DGKG: variants seen among roughly 807,000 people sequenced by gnomAD.
DGKG encodes DAG kinase gamma.
DGKG carries 78 observed loss-of-function variants against 105.3 expected under a neutral mutation model. That is an observed-to-expected ratio of 0.74 (90% CI 0.62 to 0.89). The LOEUF is 0.89. Among genes scored for constraint, DGKG ranks in the 40% least tolerant of loss-of-function variants. DGKG has a pLI of 0.00. For missense variants in DGKG, 958 were observed against 1,020.1 expected, an observed-to-expected ratio of 0.94 and a Z score of 0.83; for synonymous variants, 346 against 367.1, an observed-to-expected ratio of 0.94 and a Z score of 0.66.
rs61752079 is a variant in DGKG at position 186,279,932 on chromosome 3, G to T, written c.711C>A (p.Asp237Glu). The change falls in exon 9 of 25, where the codon GAC becomes GAA. Residue 237 changes from aspartate to glutamate, a missense_variant. Physicochemically the swap from Asp to Glu is conservative, Grantham distance 45. This residue lies in a region of DGKG where 643 missense variants were observed against 619.5 expected (regional missense o/e 1.04). Coordinates refer to ENST00000265022, the MANE Select transcript of DGKG (RefSeq NM_001346.3). ...EMLQGMDYDRDGFVSLQEWVH... is the reference protein window; with the variant it reads ...EMLQGMDYDREGFVSLQEWVH... Reference sequence around the variant, plus strand: ...CCCATTCCTGTAGAGACACAAAGCCGTCCCGGTCGTAGTCCATCCCTTGCA... The same window carrying T: ...CCCATTCCTGTAGAGACACAAAGCCTTCCCGGTCGTAGTCCATCCCTTGCA... 6.2e-7 allele frequency: 1 copy of T among 1,614,064 alleles called. No homozygotes were observed. The highest frequency in any genetic ancestry group is 8.5e-7 in the Non-Finnish European group (1 of 1,179,960).
At chr3:186,295,193 A>C (rs1723489543) in intron 5 of DGKG, among the ~76,000 whole-genome samples, 1 of 152,120 alleles carries the variant, frequency 6.6e-6, no homozygotes, top group African/African-American at 2.4e-5. Context: ...CCTCTAATCT[A>C]TCTTGTTTTA....
chr3:186,329,466 C>T (rs1314734669), intron 1 of DGKG, among the ~76,000 whole-genome samples: 1 of 152,056 alleles, frequency 6.6e-6, no homozygotes, highest in Admixed American at 6.6e-5. Context: ...TCAGCCATAC[C>T]CAATTATCCA....
Position 186,242,503 on chromosome 3 carries a change from C to A in DGKG, c.1826+1G>T. On this transcript the variant is annotated splice_donor_variant, in intron 20 of 24. Coordinates refer to ENST00000265022, the MANE Select transcript of DGKG (RefSeq NM_001346.3). LOFTEE classifies it high-confidence loss of function. ...GCAGCGCAGCCGGGCCTGCAGCTTA[C>A]CTGCTGTTGAATTTTTCAGGATGTT... 6.2e-7 allele frequency: 1 copy of A among 1,612,662 alleles called. No individual in the cohort carries two copies. Among genetic ancestry groups the A allele is most frequent in the Non-Finnish European group, 8.5e-7 (1 of 1,179,084 alleles).
chr3:186,179,549 T>C (rs1367509693), intron 22 of DGKG, among the ~76,000 whole-genome samples: 1 of 152,204 alleles, frequency 6.6e-6, no homozygotes, highest in Non-Finnish European at 1.5e-5. Flanking sequence ...AAATCATATC[T>C]ACATTCCTAG....
At chr3:186,315,596 G>A (rs1724780602) in intron 2 of DGKG, among the ~76,000 whole-genome samples, 1 of 151,844 alleles carries the variant, frequency 6.6e-6, no homozygotes, top group Admixed American at 6.6e-5. Context: ...TAGGCACTGT[G>A]AGTCTATGAA....
intron 1 of DGKG, among the ~76,000 whole-genome samples, chr3:186,355,861 G>GTTA (rs1361191736): frequency 3.9e-5 from 6 of 152,208 alleles, no homozygotes; most frequent in African/African-American, 1.2e-4. Flanking sequence ...AGGGACTGAT[G>GTTA]TTAATTCCAG....
chr3:186,160,494 T>C, intron 24 of DGKG: 3 of 985,398 alleles, frequency 3.0e-6, no homozygotes, highest in Non-Finnish European at 3.6e-6. Flanking sequence ...TTTTTCTTGG[T>C]CTTCATAAGA....
In DGKG at chr3:186,320,486, G is replaced by A. The variant is rs761047719; in HGVS notation, c.-27C>T. On this transcript the variant is annotated 5_prime_UTR_variant, in exon 2 of 25. Transcript: ENST00000265022. The stretch of plus-strand genomic sequence containing the variant: ...TTTAAACTTTATGTGAGTGGCTAAA[G>A]GGCAGTGATGGAGTTTTGTTCACTA... 1 of 1,614,160 alleles carries A rather than the reference G, an allele frequency of 6.2e-7. No individual in the cohort carries two copies. The highest frequency in any genetic ancestry group is 1.1e-5 in the South Asian group (1 of 91,074).
chr3:186,304,712 C>G (rs1289936415), intron 3 of DGKG, among the ~76,000 whole-genome samples: 2 of 152,218 alleles, frequency 1.3e-5, no homozygotes, highest in Non-Finnish European at 2.9e-5. Flanking sequence ...TGCAAAGATC[C>G]TCTCATTTAA....
At chr3:186,328,700 C>T (rs971542241) in intron 1 of DGKG, among the ~76,000 whole-genome samples, 4 of 151,844 alleles carry the variant, frequency 2.6e-5, no homozygotes, top group South Asian at 2.1e-4. Flanking sequence ...CTCAGCCTCC[C>T]GAGTAGCTGG....
At chr3:186,233,017 C>T (rs1443548710) in intron 20 of DGKG, among the ~76,000 whole-genome samples, 1 of 152,122 alleles carries the variant, frequency 6.6e-6, no homozygotes, top group Non-Finnish European at 1.5e-5. Flanking sequence ...TCGAAATAAG[C>T]CTATGAGGCT....
intron 10 of DGKG, 44 bp downstream of exon 10, chr3:186,275,503 C>G: frequency 6.5e-7 from 1 of 1,529,580 alleles, no homozygotes; most frequent in Non-Finnish European, 9.1e-7. Flanking sequence ...ATGCGCAGAG[C>G]AAGATAGTGC....
chr3:186,265,098 C>T (rs1721979618), intron 14 of DGKG, 149 bp downstream of exon 14: 1 of 696,542 alleles, frequency 1.4e-6, no homozygotes, highest in Admixed American at 2.4e-5. Context: ...CACCAGAGGC[C>T]ACAAATAAAT....
In DGKG at chr3:186,322,075, C is replaced by G. The variant is rs117631603; in HGVS notation, c.-248-1368G>C. Among the ~76,000 whole-genome samples the G allele has an allele frequency of 2.0e-4, 30 of 152,304 alleles. No homozygotes were observed. In the East Asian group the frequency reaches 4.8e-3, roughly 25 times the overall value. On this transcript the variant is annotated intron_variant, in intron 1 of 24. Coordinates refer to ENST00000265022, the MANE Select transcript of DGKG (RefSeq NM_001346.3). ...GGCAGAAAACTTCCACCTAGAGACT[C>G]TCTTATGTTTCTGGGTGTTTCTTGT...
chr3:186,295,809 A>ATGGT (rs1723528830), intron 5 of DGKG, among the ~76,000 whole-genome samples: 1 of 152,018 alleles, frequency 6.6e-6, no homozygotes, highest in African/African-American at 2.4e-5. Flanking sequence ...GGCAGACCAT[A>ATGGT]CTGAGTTAAG....
chr3:186,181,055 G>T (rs771741795), intron 22 of DGKG, among the ~76,000 whole-genome samples: 2 of 152,210 alleles, frequency 1.3e-5, no homozygotes, highest in Non-Finnish European at 2.9e-5. Context: ...GTGAGGCCAC[G>T]GGCATGCCTA....
At position 186,148,259 on chromosome 3, in the gene DGKG, G is replaced by T; in HGVS notation, c.*1831C>A. 1 of 985,446 alleles carries T rather than the reference G, an allele frequency of 1.0e-6. No homozygotes were observed. Among genetic ancestry groups the T allele is most frequent in the Non-Finnish European group, 1.2e-6 (1 of 829,956 alleles). The allele number at this position is 985,446 out of a possible 1,614,324, so 61.0% of individuals were successfully genotyped here. A position where few individuals can be genotyped will look rare whatever the true frequency, so the allele number is the denominator to read the frequency against. ...CCTCTGTCCTGGCTGGCAGTATCTT[G>T]CAGAAGACGCCTCAGTCCTTCTTGT... On this transcript the variant is annotated 3_prime_UTR_variant, in exon 25 of 25. Coordinates refer to ENST00000265022, the MANE Select transcript of DGKG (RefSeq NM_001346.3).
At chr3:186,194,822 A>AAAAAAAAG (rs1553800052) in intron 21 of DGKG, among the ~76,000 whole-genome samples, 1 of 146,404 alleles carries the variant, frequency 6.8e-6, no homozygotes, top group East Asian at 2.0e-4. Context: ...AAAAAAAAAA[A>AAAAAAAAG]GCCGGGCAAG....
At chr3:186,357,165 G>A (rs1369379224) in intron 1 of DGKG, among the ~76,000 whole-genome samples, 1 of 152,134 alleles carries the variant, frequency 6.6e-6, no homozygotes, top group Non-Finnish European at 1.5e-5. Flanking sequence ...GCTGAAATCA[G>A]GTCAGGCCAC....
Sources: allele counts gnomAD v4.1 joint callset (sites outside exome capture counted in the v4.1 genomes callset), GRCh38; gene constraint gnomAD v4.1.1; regional missense constraint gnomAD v4.1.1; transcripts MANE v1.5; gene names NCBI Gene and HGNC (gene_info 2026-07-23, HGNC 2026-07-21).